MEIS2: variants seen among roughly 807,000 people sequenced by gnomAD.
MEIS2 encodes homeobox protein Meis2.
Under a neutral mutation model 58.6 loss-of-function variants are expected in MEIS2, and 9 were observed. The ratio of observed to expected loss-of-function variants is 0.15; its 90% confidence interval spans 0.09 to 0.27. The LOEUF (loss-of-function observed/expected upper bound fraction) is 0.27. Among genes scored for constraint, MEIS2 ranks in the 10% least tolerant of loss-of-function variants. The probability of loss-of-function intolerance (pLI) is 1.00; values close to 1 mark genes in which losing one functional copy is unlikely to be tolerated. For synonymous variants in MEIS2, 221 were observed against 228.4 expected (o/e 0.97, Z 0.29); for missense variants, 427 against 635.0 (o/e 0.67, Z 3.52).
chr15:37,053,496 C>T (rs986427747), intron 7 of MEIS2, among the ~76,000 whole-genome samples: 1 of 152,168 alleles, frequency 6.6e-6, no homozygotes, highest in Non-Finnish European at 1.5e-5. Flanking sequence ...CATAACTGTC[C>T]GATTTACCTT....
intron 6 of MEIS2, among the ~76,000 whole-genome samples, chr15:37,086,472 G>A (rs1892898234): frequency 6.6e-6 from 1 of 152,186 alleles, no homozygotes; most frequent in Non-Finnish European, 1.5e-5. Flanking sequence ...TTACTTTTAA[G>A]AGCAGCTGGT....
intron 8 of MEIS2, among the ~76,000 whole-genome samples, chr15:37,008,485 C>T (rs2061003439): frequency 6.6e-6 from 1 of 152,198 alleles, no homozygotes. Context: ...ACTTTCCTTT[C>T]AGAAAATTTA....
intron 8 of MEIS2, among the ~76,000 whole-genome samples, chr15:36,982,292 C>T (rs1361913697): frequency 6.6e-6 from 1 of 152,148 alleles, no homozygotes; most frequent in East Asian, 1.9e-4. Context: ...ACTCATTCAG[C>T]ATAACTGAAA....
intron 9 of MEIS2, among the ~76,000 whole-genome samples, chr15:36,936,202 T>C (rs2058165794): frequency 6.6e-6 from 1 of 151,558 alleles, no homozygotes; most frequent in East Asian, 1.9e-4. Flanking sequence ...TCTTTCTTTT[T>C]TTTTTTTTTT....
chr15:36,958,071 A>G (rs1040062966), intron 8 of MEIS2, among the ~76,000 whole-genome samples: 1 of 152,198 alleles, frequency 6.6e-6, no homozygotes, highest in Non-Finnish European at 1.5e-5. Context: ...ATTCACTTCC[A>G]TTTGAGTTTA....
At chr15:36,923,455 T>C (rs899250419) in intron 9 of MEIS2, among the ~76,000 whole-genome samples, 8 of 152,140 alleles carry the variant, frequency 5.3e-5, no homozygotes, top group Non-Finnish European at 1.2e-4. Context: ...ATGGCCACCA[T>C]ACATCCTTCA....
chr15:36,965,662 A>G (rs546799803), intron 8 of MEIS2, among the ~76,000 whole-genome samples: 1 of 152,352 alleles, frequency 6.6e-6, no homozygotes, highest in South Asian at 2.1e-4. Context: ...AGCTTCTTGA[A>G]GAAACTTGAA....
intron 6 of MEIS2, among the ~76,000 whole-genome samples, chr15:37,091,975 T>G (rs1457158418): frequency 6.6e-6 from 1 of 152,082 alleles, no homozygotes; most frequent in Admixed American, 6.5e-5. Flanking sequence ...AATGTAAATA[T>G]TTCTTAGGTA....
At chr15:36,928,980 G>A (rs1223037062) in intron 9 of MEIS2, among the ~76,000 whole-genome samples, 1 of 152,150 alleles carries the variant, frequency 6.6e-6, no homozygotes, top group Non-Finnish European at 1.5e-5. Context: ...CACAGTTCAT[G>A]TCTAAATGAT....
chr15:36,904,544 G>C (rs890734646), intron 9 of MEIS2, among the ~76,000 whole-genome samples: 1 of 151,924 alleles, frequency 6.6e-6, no homozygotes, highest in African/African-American at 2.4e-5. Flanking sequence ...TCTATTTTTG[G>C]TGCCACCAAC....
intron 8 of MEIS2, among the ~76,000 whole-genome samples, chr15:37,020,020 G>A (rs569987381): frequency 2.6e-5 from 4 of 152,234 alleles, no homozygotes; most frequent in Admixed American, 6.5e-5. Flanking sequence ...AGAGCCCTAC[G>A]AGGACTCAGC....
intron 7 of MEIS2, among the ~76,000 whole-genome samples, chr15:37,055,510 C>T (rs1304866985): frequency 3.3e-5 from 5 of 152,184 alleles, no homozygotes; most frequent in South Asian, 2.1e-4. Flanking sequence ...TACTCGACTT[C>T]GGAAACCTTC....
At chr15:36,995,438 T>C (rs1162895131) in intron 8 of MEIS2, among the ~76,000 whole-genome samples, 1 of 151,962 alleles carries the variant, frequency 6.6e-6, no homozygotes, top group Non-Finnish European at 1.5e-5. Context: ...CATCTCTTGT[T>C]TTTACTTACA....
chr15:37,032,462 A>C (rs1360409717), intron 8 of MEIS2, among the ~76,000 whole-genome samples: 1 of 152,170 alleles, frequency 6.6e-6, no homozygotes, highest in Non-Finnish European at 1.5e-5. Context: ...TTGTAATGGC[A>C]GGCTTACTTT....
At chr15:36,957,562 TC>T (rs1033227895) in intron 8 of MEIS2, among the ~76,000 whole-genome samples, 1 of 152,138 alleles carries the variant, frequency 6.6e-6, no homozygotes, top group African/African-American at 2.4e-5. Flanking sequence ...AAGTAGTCAC[TC>T]CCCACAAACT....
intron 8 of MEIS2, among the ~76,000 whole-genome samples, chr15:37,021,441 C>T (rs1036706211): frequency 2.0e-5 from 3 of 152,246 alleles, no homozygotes; most frequent in Non-Finnish European, 2.9e-5. Context: ...CTTGCCCCTA[C>T]TTTTGAAAAC....
chr15:36,982,789 T>A (rs1438171602), intron 8 of MEIS2, among the ~76,000 whole-genome samples: 2 of 152,172 alleles, frequency 1.3e-5, no homozygotes, highest in African/African-American at 4.8e-5. Context: ...CAGGGCTCCC[T>A]TTTCTCCACA....
chr15:36,996,034 C>CATATGTGTATAT (rs2060507727), intron 8 of MEIS2, among the ~76,000 whole-genome samples: 2 of 130,140 alleles, frequency 1.5e-5, no homozygotes, highest in African/African-American at 3.0e-5. Flanking sequence ...TATATATATA[C>CATATGTGTATAT]ACACACACAC....
intron 7 of MEIS2, among the ~76,000 whole-genome samples, chr15:37,057,551 G>A (rs747881877): frequency 6.6e-6 from 1 of 152,070 alleles, no homozygotes; most frequent in African/African-American, 2.4e-5. Flanking sequence ...TTTCTAAAGC[G>A]GCAACTCCCT....
Sources: gnomAD v4.1 joint callset for allele counts (sites outside exome capture counted in the v4.1 genomes callset) on GRCh38, gnomAD v4.1.1 for gene constraint, MANE v1.5 for transcripts, NCBI Gene and HGNC (gene_info 2026-07-23, HGNC 2026-07-21) for gene names.